The following MLLT6 variants were observed in gnomAD, a reference collection of about 807,000 sequenced individuals.
The protein encoded by MLLT6 is MLLT6, PHD finger containing.
MLLT6 carries 22 observed loss-of-function variants against 103.0 expected under a neutral mutation model. That is an observed-to-expected ratio of 0.21 (90% CI 0.15 to 0.31). MLLT6 has a LOEUF of 0.31. MLLT6 is among the 10% of genes least tolerant of loss of function. MLLT6 has a pLI of 1.00. For missense variants in MLLT6, 1,199 were observed against 1,441.7 expected (o/e 0.83, Z 2.73); for synonymous variants, 606 against 623.5 (o/e 0.97, Z 0.42).
At chr17:38,721,382 G>A (rs1905726783) in intron 16 of MLLT6, among the ~76,000 whole-genome samples, 2 of 152,136 alleles carry the variant, frequency 1.3e-5, no homozygotes, top group African/African-American at 2.4e-5. Context: ...TAAGCCTATG[G>A]AATAGGTACT....
At chr17:38,714,418 T>C (rs1012474511) in intron 8 of MLLT6, 3 of 152,300 alleles carry the variant, frequency 2.0e-5, no homozygotes, top group African/African-American at 4.8e-5. Flanking sequence ...CTGACACTTA[T>C]CGACGTTGAG....
intron 12 of MLLT6, chr17:38,718,944 A>G (rs1242702298): frequency 6.2e-6 from 1 of 160,968 alleles, no homozygotes; most frequent in African/African-American, 2.4e-5. Context: ...ATATTTGTTA[A>G]AACTCAGATC....
rs1906182569 is a variant in MLLT6 at position 38,729,019 on chromosome 17, C to G, written c.*3421C>G. ...GGGACCCCTGCCTGTTTCCCCCATA[C>G]TGAGTTCTAGGGAGGTGCTCACCCC... On this transcript the variant is annotated 3_prime_UTR_variant, in exon 20 of 20. Transcript: ENST00000621332. 1 of 233,600 alleles carries G rather than the reference C, an allele frequency of 4.3e-6. No individual in the cohort carries two copies. Among genetic ancestry groups the G allele is most frequent in the African/African-American group, 2.2e-5 (1 of 45,312 alleles). 14.5% of individuals were successfully genotyped at this position (233,600 alleles called of 1,614,324 possible).
intron 4 of MLLT6, 66 bp downstream of exon 4, chr17:38,707,938 TTCA>T (rs1905001504): frequency 2.0e-6 from 2 of 1,002,980 alleles, no homozygotes; most frequent in Admixed American, 4.0e-5. Flanking sequence ...CAACGCTCTC[TTCA>T]TCCGGTGTAA....
In MLLT6 at chr17:38,716,786, A is replaced by G; in HGVS notation, c.1456A>G (p.Asn486Asp). 1.2e-6 allele frequency: 2 copies of G among 1,611,054 alleles called. No homozygotes were observed. The highest frequency in any genetic ancestry group is 1.7e-6 in the Non-Finnish European group (2 of 1,178,682). ...GCCAGGCCGTCCCAAGGGCAGCCGG[A>G]ACAAGGAGGGCACTGGGGGCCCAGC... ...HGPGRPKGSR[N>D]KEGTGGPAAP... Residue 486 changes from asparagine (N) to aspartate (D), a missense_variant, in exon 10 of 20, where the codon AAC becomes GAC. Physicochemically the swap from Asn to Asp is conservative, Grantham distance 23. Transcript: ENST00000621332. This position sits in a 1 kb window ranked among gnomAD's most constrained non-coding sequence, Gnocchi z 5.6.
At position 38,721,310 on chromosome 17, in the gene MLLT6, A is replaced by G. The variant is rs533237693; in HGVS notation, c.2442+563A>G. Among the ~76,000 whole-genome samples, 19 of 152,320 alleles carry G rather than the reference A, an allele frequency of 1.2e-4. No homozygotes were observed. In the Middle Eastern group the frequency reaches 0.014, roughly 109 times the overall value. Reference sequence around the variant, plus strand: ...CATAATAATAACCAGCATTAATTGCACACTTGCCCTTTGTCATGCCCTATG... The same window carrying G: ...CATAATAATAACCAGCATTAATTGCGCACTTGCCCTTTGTCATGCCCTATG... On this transcript the variant is annotated intron_variant, in intron 16 of 19. Transcript: ENST00000621332.
At chr17:38,711,034 G>A (rs534370108) in intron 6 of MLLT6, among the ~76,000 whole-genome samples, 1 of 152,300 alleles carries the variant, frequency 6.6e-6, no homozygotes, top group South Asian at 2.1e-4. Context: ...CACGAAAGAG[G>A]GGGCCTTGCA....
Position 38,709,328 on chromosome 17 carries a change from C to G in MLLT6, c.458+52C>G, listed in dbSNP as rs1407645873. ...CCCCCGGGTTTGTCCTGGATGGCCACTGATCAGGCTCATCCTAGCTGCTGT... is the reference window on the plus strand; with the variant it reads ...CCCCCGGGTTTGTCCTGGATGGCCAGTGATCAGGCTCATCCTAGCTGCTGT... On this transcript the variant is annotated intron_variant, in intron 5 of 19. Coordinates refer to ENST00000621332, the MANE Select transcript of MLLT6 (RefSeq NM_005937.4). This position sits in a 1 kb window ranked among gnomAD's most constrained non-coding sequence, Gnocchi z 4.3. 1 of 1,473,336 alleles carries G rather than the reference C, an allele frequency of 6.8e-7. No individual in the cohort carries two copies. The highest frequency in any genetic ancestry group is 9.5e-7 in the Non-Finnish European group (1 of 1,051,976). The allele number at this position is 1,473,336 out of a possible 1,614,324, so 91.3% of individuals were successfully genotyped here.
chr17:38,720,594 G>A (rs928700626), intron 15 of MLLT6, 25 bp downstream of exon 15: 1 of 1,612,682 alleles, frequency 6.2e-7, no homozygotes, highest in African/African-American at 1.3e-5. Flanking sequence ...CCCAGCCCGG[G>A]AGAGAGGCCC....
chr17:38,720,698 C>G lies in MLLT6; in HGVS notation c.2393C>G (p.Pro798Arg). 6.2e-7 allele frequency: 1 copy of G among 1,613,874 alleles called. No homozygotes were observed. Among genetic ancestry groups the G allele is most frequent in the Non-Finnish European group, 8.5e-7 (1 of 1,180,028 alleles). The part of the protein sequence containing the change: ...SDSLSTSKSP[P>R]GKSSLGLDNS... ...TCCTTGAGCACCAGCAAGAGCCCTC[C>G]GGGAAAGAGCAGCCTCGGCCTGGAC... The change falls in exon 16 of 20, where the codon CCG (proline) becomes CGG (arginine). Residue 798 changes from proline (P) to arginine (R), a missense_variant. Physicochemically the swap from Pro to Arg is moderately radical, Grantham distance 103. Around this residue, in one of 7 missense-constraint regions of MLLT6, gnomAD observed 1,034 missense variants for 1,091.5 expected, o/e 0.95. Coordinates refer to ENST00000621332, the MANE Select transcript of MLLT6 (RefSeq NM_005937.4).
In MLLT6 at chr17:38,712,016, T is replaced by C; in HGVS notation, c.720+2T>C. On this transcript the variant is annotated splice_donor_variant, in intron 7 of 19. Coordinates refer to ENST00000621332, the MANE Select transcript of MLLT6 (RefSeq NM_005937.4). LOFTEE classifies it high-confidence loss of function. ...CACCACGAGAGGGGCCAGAAGAAGG[T>C]AGAAGTCCTCCCCCACCTGCCATCA... 1 of 1,555,026 alleles carries C rather than the reference T, an allele frequency of 6.4e-7. No individual in the cohort carries two copies. Among genetic ancestry groups the C allele is most frequent in the Non-Finnish European group, 8.7e-7 (1 of 1,149,536 alleles).
intron 1 of MLLT6, chr17:38,706,223 C>T (rs1904919786): frequency 6.6e-6 from 1 of 152,290 alleles, no homozygotes; most frequent in Non-Finnish European, 1.5e-5. Context: ...CGGGGAAGAG[C>T]TAAGGATAGG....
rs916898200 is a variant in MLLT6, at chr17:38,722,003, C to T, written c.2568C>T (p.Ala856=). ...CCCTGGCCCTGCCTGGGGCCCCTGCCCCACTCCCGCCCCAGCCGCAGAACG... is the reference window on the plus strand; with the variant it reads ...CCCTGGCCCTGCCTGGGGCCCCTGCTCCACTCCCGCCCCAGCCGCAGAACG... The part of the protein sequence containing the change: ...TLPLALPGAP[A]PLPPQPQNGL... Residue 856 remains alanine (A), a synonymous_variant, in exon 17 of 20, where the codon GCC becomes GCT. Coordinates refer to ENST00000621332, the MANE Select transcript of MLLT6 (RefSeq NM_005937.4). The T allele has an allele frequency of 8.8e-6, 13 of 1,484,872 alleles. No individual in the cohort carries two copies. The highest frequency in any genetic ancestry group is 1.1e-5 in the Non-Finnish European group (12 of 1,118,884). 92.0% of individuals were successfully genotyped at this position (1,484,872 alleles called of 1,614,324 possible). A position where few individuals can be genotyped will look rare whatever the true frequency, so the allele number is the denominator to read the frequency against.
intron 16 of MLLT6, 118 bp downstream of exon 16, chr17:38,720,865 T>A (rs752724667): frequency 4.6e-6 from 4 of 866,510 alleles, no homozygotes; most frequent in Non-Finnish European, 3.7e-6. Flanking sequence ...AGCAATTGAT[T>A]GATCCATTCA....
Position 38,722,089 on chromosome 17 carries a change from TGGG to T in MLLT6, c.2659_2661del (p.Gly887del), listed in dbSNP as rs1191684859. 4.4e-6 allele frequency: 6 copies of T among 1,370,552 alleles called. No individual in the cohort carries two copies. Among genetic ancestry groups the T allele is most frequent in the African/African-American group, 1.5e-5 (1 of 65,004 alleles). 84.9% of individuals were successfully genotyped at this position (1,370,552 alleles called of 1,614,324 possible). The stretch of plus-strand genomic sequence containing the variant: ...GCCATGCCCATGGCTGAGGGGCTGT[TGGG>T]GGGGCTGGCAGGCAGTGGGGGCCTG... On this transcript the variant is annotated inframe_deletion, in exon 17 of 20. Transcript: ENST00000621332.
intron 8 of MLLT6, 114 bp from the exon 9 acceptor site, chr17:38,715,498 G>C: frequency 7.0e-7 from 1 of 1,431,682 alleles, no homozygotes; most frequent in Non-Finnish European, 9.1e-7. Context: ...CATGAAACTA[G>C]CTGTGGGCTC....
chr17:38,715,296 T>A (rs1905286965), intron 8 of MLLT6: 2 of 307,300 alleles, frequency 6.5e-6, no homozygotes. Flanking sequence ...AATGGACCAA[T>A]GAGTAAATCT....
intron 2 of MLLT6, 53 bp downstream of exon 2, chr17:38,707,082 C>A (rs1444446573): frequency 6.7e-7 from 1 of 1,497,758 alleles, no homozygotes; most frequent in Non-Finnish European, 9.2e-7. Context: ...CACACCTGAG[C>A]GTCTCAGGTT....
chr17:38,719,496 C>G (rs1567928701), intron 12 of MLLT6, 21 bp from the exon 13 acceptor site: 1 of 1,597,922 alleles, frequency 6.3e-7, no homozygotes, highest in Non-Finnish European at 8.5e-7. Flanking sequence ...CACGCTGATC[C>G]CAGCCTTCCC....
Sources: gnomAD v4.1 joint callset for allele counts (sites outside exome capture counted in the v4.1 genomes callset) on GRCh38, gnomAD v4.1.1 for gene constraint, gnomAD v4.1.1 regional missense constraint, Gnocchi (gnomAD v3.1) non-coding constraint, MANE v1.5 for transcripts, NCBI Gene and HGNC (gene_info 2026-07-23, HGNC 2026-07-21) for gene names.